Variants in PALS1 observed in about 807,000 individuals in gnomAD.
The protein encoded by PALS1 is protein associated with LIN7 1, MAGUK p55 family member, also known as protein PALS1.
PALS1 carries 31 observed loss-of-function variants against 78.9 expected under a neutral mutation model. The ratio of observed to expected loss-of-function variants is 0.39; its 90% CI spans 0.30 to 0.53. PALS1 has a LOEUF of 0.53. Ranked by LOEUF, PALS1 falls within the 20% of genes least tolerant of loss-of-function variation. The pLI, the probability that PALS1 is intolerant of heterozygous loss-of-function variation, is 0.67. For missense variants in PALS1, 704 were observed against 826.5 expected (o/e 0.85, Z 1.82); for synonymous variants, 276 against 270.9 (o/e 1.02, Z -0.18).
chr14:67,267,327 T>G (rs965422171), intron 1 of PALS1, among the ~76,000 whole-genome samples: 2 of 152,008 alleles, frequency 1.3e-5, no homozygotes, highest in Non-Finnish European at 2.9e-5. Context: ...GGTGCAATCT[T>G]GGCTCACTGC....
chr14:67,275,209 A>G (rs974399730), intron 2 of PALS1, among the ~76,000 whole-genome samples: 27 of 152,282 alleles, frequency 1.8e-4, no homozygotes, highest in African/African-American at 6.0e-4. Flanking sequence ...GTTTTGAAAG[A>G]GAATGCTTCC....
chr14:67,292,685 C>G lies in PALS1; in HGVS notation c.542C>G (p.Pro181Arg). 2 of 1,613,664 alleles carry G rather than the reference C, an allele frequency of 1.2e-6. No homozygotes were observed. Among genetic ancestry groups the G allele is most frequent in the Non-Finnish European group, 1.7e-6 (2 of 1,179,718 alleles). ...VHMNKASPPF[P>R]LISNAQDLAQ... ...ATGAACAAGGCCAGTCCTCCATTTC[C>G]TCTTATCTCCAACGCACAAGATCTT... The change falls in exon 4 of 15, where the codon CCT becomes CGT. Residue 181 changes from proline (P) to arginine (R), a missense_variant. By Grantham distance (103) the Pro-to-Arg change is moderately radical. Transcript: ENST00000261681.
chr14:67,279,531 A>C lies in PALS1; in HGVS notation c.361A>C (p.Ile121Leu), dbSNP rs758422339. ...VLESPHYAVKILEIEDLFSSL... is the reference protein window; with the variant it reads ...VLESPHYAVKLLEIEDLFSSL... ...AGAAAGTCCTCATTATGCTGTGAAA[A>C]TATTAGGTAAGTAAAAATAGAGGTA... Residue 121 changes from isoleucine to leucine, a missense_variant, in exon 3 of 15, where the codon ATA (isoleucine) becomes CTA (leucine). Physicochemically the swap from Ile to Leu is conservative, Grantham distance 5. Coordinates refer to ENST00000261681, the MANE Select transcript of PALS1 (RefSeq NM_022474.4). 3.2e-5 allele frequency: 49 copies of C among 1,525,942 alleles called. No homozygotes were observed. The highest frequency in any genetic ancestry group is 4.2e-5 in the Non-Finnish European group (48 of 1,140,504). The allele number at this position is 1,525,942 out of a possible 1,614,324, so 94.5% of individuals were successfully genotyped here.
intron 14 of PALS1, 49 bp downstream of exon 14, chr14:67,323,861 C>G (rs746273504): frequency 1.1e-6 from 1 of 938,522 alleles, no homozygotes; most frequent in South Asian, 1.6e-5. Context: ...AAACATGAAA[C>G]AGTCCTGGTC....
At chr14:67,249,223 A>T (rs1328132320) in intron 1 of PALS1, among the ~76,000 whole-genome samples, 1 of 152,156 alleles carries the variant, frequency 6.6e-6, no homozygotes, top group Non-Finnish European at 1.5e-5. Flanking sequence ...CGGCCTCCCA[A>T]AGTGCTGGGA....
intron 3 of PALS1, among the ~76,000 whole-genome samples, chr14:67,282,643 A>G (rs1481669705): frequency 6.6e-6 from 1 of 152,160 alleles, no homozygotes; most frequent in Non-Finnish European, 1.5e-5. Context: ...GATAAGAAAT[A>G]GTGATATGGG....
At chr14:67,315,134 A>G (rs920817699) in intron 9 of PALS1, among the ~76,000 whole-genome samples, 5 of 152,080 alleles carry the variant, frequency 3.3e-5, no homozygotes, top group African/African-American at 1.2e-4. Context: ...TTCTGCCTCT[A>G]TTTCAGAATA....
chr14:67,266,809 T>TA lies in PALS1; in HGVS notation c.-236-2885dup, dbSNP rs1027224013. On this transcript the variant is annotated intron_variant, in intron 1 of 14. Coordinates refer to ENST00000261681, the MANE Select transcript of PALS1 (RefSeq NM_022474.4). ...GTTTTTGGAATATACAGTTATCTTT[T>TA]AAAAAAACTTCGTTTCTTGGCTGGG... Among the ~76,000 whole-genome samples the TA allele has an allele frequency of 3.3e-5, 5 of 152,052 alleles. No individual in the cohort carries two copies. The South Asian group carries it at 6.2e-4, about 19-fold the overall frequency.
At chr14:67,254,817 A>G (rs1211001715) in intron 1 of PALS1, among the ~76,000 whole-genome samples, 2 of 152,144 alleles carry the variant, frequency 1.3e-5, no homozygotes, top group East Asian at 1.9e-4. Context: ...TTGGAACATA[A>G]TTTTTTCTCT....
At chr14:67,329,874 A>G (rs1470112056) in intron 14 of PALS1, among the ~76,000 whole-genome samples, 1 of 96,986 alleles carries the variant, frequency 1.0e-5, no homozygotes, top group Non-Finnish European at 1.7e-5. Flanking sequence ...AAATAAATAA[A>G]TAAATAGATA....
intron 1 of PALS1, among the ~76,000 whole-genome samples, chr14:67,256,618 G>A (rs933276837): frequency 6.6e-6 from 1 of 151,960 alleles, no homozygotes; most frequent in Non-Finnish European, 1.5e-5. Context: ...TGTGATCTTG[G>A]CTCATTGCAA....
intron 8 of PALS1, among the ~76,000 whole-genome samples, chr14:67,306,489 G>A (rs1427674450): frequency 6.6e-6 from 1 of 150,850 alleles, no homozygotes. Flanking sequence ...GATTACAGGC[G>A]CCCGCCACCA....
At chr14:67,271,778 T>C (rs1287416371) in intron 2 of PALS1, 1 of 152,164 alleles carries the variant, frequency 6.6e-6, no homozygotes, top group Admixed American at 6.6e-5. Context: ...TTCTGATAGA[T>C]AGAATAATGG....
intron 6 of PALS1, 59 bp downstream of exon 6, chr14:67,302,177 A>G (rs1053117056): frequency 2.7e-6 from 4 of 1,499,122 alleles, no homozygotes; most frequent in Middle Eastern, 1.8e-4. Flanking sequence ...GTGTGCTTCA[A>G]AAGTCTGGTT....
At chr14:67,258,231 C>T (rs1275765632) in intron 1 of PALS1, among the ~76,000 whole-genome samples, 1 of 152,032 alleles carries the variant, frequency 6.6e-6, no homozygotes, top group Non-Finnish European at 1.5e-5. Flanking sequence ...ATAAGGTACT[C>T]ATCCATAAAA....
intron 14 of PALS1, among the ~76,000 whole-genome samples, chr14:67,326,069 G>A (rs1190087178): frequency 6.9e-6 from 1 of 144,282 alleles, no homozygotes; most frequent in East Asian, 2.0e-4. Flanking sequence ...TCGTGATCCA[G>A]CCTCCTCGGC....
intron 1 of PALS1, among the ~76,000 whole-genome samples, chr14:67,254,461 A>G (rs947996228): frequency 1.3e-5 from 2 of 152,022 alleles, no homozygotes; most frequent in Non-Finnish European, 2.9e-5. Context: ...CATTACTCAT[A>G]CCCTCAGTCA....
chr14:67,278,502 C>T (rs1358798305), intron 2 of PALS1, among the ~76,000 whole-genome samples: 1 of 152,082 alleles, frequency 6.6e-6, no homozygotes, highest in Non-Finnish European at 1.5e-5. Flanking sequence ...GAATTATCCC[C>T]CAGAATACTG....
chr14:67,309,320 T>A (rs2140932915), intron 8 of PALS1, among the ~76,000 whole-genome samples: 1 of 152,248 alleles, frequency 6.6e-6, no homozygotes, highest in South Asian at 2.1e-4. Context: ...ATAAAAGTCA[T>A]ATAGTATCTG....
Sources: gnomAD v4.1 joint callset for allele counts (sites outside exome capture counted in the v4.1 genomes callset) on GRCh38, gnomAD v4.1.1 for gene constraint, MANE v1.5 for transcripts, NCBI Gene and HGNC (gene_info 2026-07-23, HGNC 2026-07-21) for gene names.